The following DOCK4 variants were observed in gnomAD, a reference collection of about 807,000 sequenced individuals.
DOCK4 encodes dedicator of cytokinesis protein 4.
Under a neutral mutation model 268.1 loss-of-function variants are expected in DOCK4, and 97 were observed. The observed-to-expected ratio is 0.36, with a 90% CI of 0.31 to 0.43. DOCK4 has a LOEUF of 0.43. DOCK4 is among the 20% of genes least tolerant of loss of function. The pLI is 1.00. For synonymous variants in DOCK4, 954 were observed against 887.2 expected (o/e 1.08, Z -1.34); for missense variants, 2,145 against 2,455.7 (o/e 0.87, Z 2.67).
chr7:111,907,890 G>C (rs1021423017), intron 13 of DOCK4, among the ~76,000 whole-genome samples: 3 of 151,940 alleles, frequency 2.0e-5, no homozygotes, highest in African/African-American at 7.3e-5. Context: ...CACCATGCCT[G>C]GCTAATTTTT....
At chr7:111,976,618 C>T (rs1798226752) in intron 8 of DOCK4, 1 of 151,874 alleles carries the variant, frequency 6.6e-6, no homozygotes, top group Non-Finnish European at 1.5e-5. Context: ...AGGTAAGACT[C>T]AGAGAACTGC....
chr7:112,109,639 A>G (rs563974865), intron 1 of DOCK4, among the ~76,000 whole-genome samples: 1 of 152,358 alleles, frequency 6.6e-6, no homozygotes, highest in African/African-American at 2.4e-5. Flanking sequence ...AGTTTTAACA[A>G]GTTCGAAGAG....
intron 1 of DOCK4, among the ~76,000 whole-genome samples, chr7:112,123,091 G>A (rs775027957): frequency 1.2e-4 from 18 of 152,246 alleles, no homozygotes; most frequent in Admixed American, 7.2e-4. Flanking sequence ...ATAGCAGGGA[G>A]AGAAGAGGAA....
In DOCK4 at chr7:112,023,573, G is replaced by C. The variant is rs1802523970; in HGVS notation, c.38-19442C>G. 3 of 426,246 alleles carry C rather than the reference G, an allele frequency of 7.0e-6. No homozygotes were observed. The Admixed American group carries it at 8.4e-5, about 12-fold the overall frequency. 26.4% of individuals were successfully genotyped at this position (426,246 alleles called of 1,614,324 possible). A position where few individuals can be genotyped will look rare whatever the true frequency, so the allele number is the denominator to read the frequency against. ...TCCGGATCAGAGACCAGAGATTTTA[G>C]GTTATTAGCCTTTCTACTATTTTTT... On this transcript the variant is annotated intron_variant, in intron 1 of 52. Coordinates refer to ENST00000428084, the MANE Select transcript of DOCK4 (RefSeq NM_001363540.2).
At chr7:111,742,986 T>C (rs1242576156) in intron 44 of DOCK4, among the ~76,000 whole-genome samples, 3 of 151,398 alleles carry the variant, frequency 2.0e-5, no homozygotes, top group African/African-American at 4.9e-5. Context: ...AGCTAGACTC[T>C]GTCTCCAAAA....
At chr7:112,154,408 A>G (rs1017655350) in intron 1 of DOCK4, among the ~76,000 whole-genome samples, 1 of 152,212 alleles carries the variant, frequency 6.6e-6, no homozygotes, top group East Asian at 1.9e-4. Context: ...GCACAACTCC[A>G]TGCTACTTAG....
chr7:112,117,263 T>C (rs1431955513), intron 1 of DOCK4, among the ~76,000 whole-genome samples: 1 of 152,240 alleles, frequency 6.6e-6, no homozygotes, highest in Non-Finnish European at 1.5e-5. Flanking sequence ...TCAGGTCTTT[T>C]TAAAGTCAAA....
rs548951402 is a variant in DOCK4, at chr7:111,934,998, G to C, written c.1066+542C>G. Among the ~76,000 whole-genome samples the C allele has an allele frequency of 1.2e-3, 187 of 151,662 alleles. 2 individuals are homozygous for C. Among genetic ancestry groups the C allele is most frequent in the African/African-American group, 4.4e-3 (181 of 41,340 alleles). ...GTCTTACTGTGTCACGCAGGCTGGA[G>C]TGCAATGGCACAATCTCAGCTCACT... On this transcript the variant is annotated intron_variant, in intron 12 of 52. Coordinates refer to ENST00000428084, the MANE Select transcript of DOCK4 (RefSeq NM_001363540.2).
intron 35 of DOCK4, among the ~76,000 whole-genome samples, chr7:111,780,688 G>A (rs943453619): frequency 1.3e-5 from 2 of 152,220 alleles, no homozygotes; most frequent in African/African-American, 4.8e-5. Context: ...TGTAAAGGAT[G>A]TCACAGCTCT....
Position 111,998,443 on chromosome 7 carries a change from C to T in DOCK4, c.218+5G>A. On this transcript the variant is annotated splice_donor_5th_base_variant and intron_variant, in intron 4 of 52. Transcript: ENST00000428084. ...CTCCAACTACTAATAAAACTCATTT[C>T]TTACCCTTTGTTCTTTACACAGGCA... The T allele has an allele frequency of 6.4e-7, 1 of 1,570,778 alleles. No homozygotes were observed. Among genetic ancestry groups the T allele is most frequent in the South Asian group, 1.2e-5 (1 of 84,986 alleles).
chr7:112,007,497 T>C (rs59707797), intron 1 of DOCK4, among the ~76,000 whole-genome samples: 6,128 of 152,276 alleles, frequency 0.04, 346 homozygotes, highest in African/African-American at 0.13. Context: ...GGAATGACTT[T>C]GATCTTTATC....
rs754121879 is a variant in DOCK4, at chr7:111,944,823, T to C, written c.832A>G (p.Ile278Val). ...LRKDIYITVH[I>V]IRIGRMGAGE... is the part of the protein sequence containing the mutation. ...GTGTTATACCTACCGATTCGGATAATGTGCACGGTGATATAAATGTCCTTT... is the reference window on the plus strand; with the variant it reads ...GTGTTATACCTACCGATTCGGATAACGTGCACGGTGATATAAATGTCCTTT... Residue 278 changes from isoleucine (I) to valine (V), a missense_variant, in exon 10 of 53, where the codon ATT (isoleucine) becomes GTT (valine). Physicochemically the swap from Ile to Val is conservative, Grantham distance 29 (BLOSUM62 3). This residue lies in a region of DOCK4 where 1,598 missense variants were observed against 1,986.7 expected (regional missense o/e 0.80). Transcript: ENST00000428084. 7 of 1,613,934 alleles carry C rather than the reference T, an allele frequency of 4.3e-6. No homozygotes were observed. The highest frequency in any genetic ancestry group is 5.1e-6 in the Non-Finnish European group (6 of 1,179,822).
At chr7:112,173,350 G>T (rs912117555) in intron 1 of DOCK4, among the ~76,000 whole-genome samples, 10 of 152,184 alleles carry the variant, frequency 6.6e-5, no homozygotes, top group Non-Finnish European at 1.2e-4. Context: ...GGAGGGAAAT[G>T]TCACTTCCGG....
intron 12 of DOCK4, among the ~76,000 whole-genome samples, chr7:111,922,263 C>CT (rs1293531036): frequency 3.3e-5 from 5 of 152,096 alleles, no homozygotes; most frequent in Admixed American, 3.3e-4. Context: ...GTTTGCTTCT[C>CT]TTTTTTCCCC....
chr7:111,802,986 C>A (rs754900660), intron 30 of DOCK4, among the ~76,000 whole-genome samples: 1 of 152,132 alleles, frequency 6.6e-6, no homozygotes, highest in East Asian at 1.9e-4. Context: ...ACCCTAATGC[C>A]TTTATCACAC....
At chr7:111,755,294 T>C (rs189055569) in intron 42 of DOCK4, among the ~76,000 whole-genome samples, 1 of 152,216 alleles carries the variant, frequency 6.6e-6, no homozygotes, top group African/African-American at 2.4e-5. Flanking sequence ...ATGTAGCAAA[T>C]TGAGTTGTTT....
At chr7:111,760,082 T>A in intron 40 of DOCK4, 99 bp downstream of exon 40, 1 of 1,470,578 alleles carries the variant, frequency 6.8e-7, no homozygotes, top group Non-Finnish European at 9.3e-7. Context: ...GATGTGGCTA[T>A]TGAAAAGGGA....
At chr7:111,782,229 G>A (rs114729150) in intron 35 of DOCK4, among the ~76,000 whole-genome samples, 1 of 152,084 alleles carries the variant, frequency 6.6e-6, no homozygotes, top group Non-Finnish European at 1.5e-5. Flanking sequence ...ATAAATGTTG[G>A]CTTGCCCAGG....
chr7:111,862,166 G>C (rs1312542529), intron 23 of DOCK4, among the ~76,000 whole-genome samples: 1 of 151,912 alleles, frequency 6.6e-6, no homozygotes, highest in Non-Finnish European at 1.5e-5. Context: ...GGGTGTGGTG[G>C]TGTGTGCCTA....
Sources: gnomAD v4.1 joint callset for allele counts (sites outside exome capture counted in the v4.1 genomes callset) on GRCh38, gnomAD v4.1.1 for gene constraint, gnomAD v4.1.1 regional missense constraint, MANE v1.5 for transcripts, NCBI Gene and HGNC (gene_info 2026-07-23, HGNC 2026-07-21) for gene names.